The following ANK2 variants were observed in gnomAD, a reference collection of about 807,000 sequenced individuals.
ANK2 encodes ankyrin 2.
Under a neutral mutation model 360.5 loss-of-function variants are expected in ANK2, and 83 were observed. The ratio of observed to expected loss-of-function variants is 0.23; its 90% CI spans 0.19 to 0.28. The LOEUF (loss-of-function observed/expected upper bound fraction) is 0.28. Ranked by LOEUF, ANK2 falls within the 10% of genes least tolerant of loss-of-function variation. The pLI, the probability that ANK2 is intolerant of heterozygous loss-of-function variation, is 1.00. For missense variants in ANK2, 4,201 were observed against 4,795.7 expected (o/e 0.88, Z 3.66); for synonymous variants, 1,740 against 1,759.5 (o/e 0.99, Z 0.28).
chr4:113,182,232 G>GGGGAAGACTGTGTGAGGAGCAGGTTTGA (rs2098432559), intron 2 of ANK2, among the ~76,000 whole-genome samples: 1 of 152,142 alleles, frequency 6.6e-6, no homozygotes, highest in Admixed American at 6.5e-5. Context: ...TAACTGAGAT[G>GGGGAAGACTGTGTGAGGAGCAGGTTTGA]GGGAAGACTG....
chr4:113,325,358 G>C (rs1238738451), intron 26 of ANK2, among the ~76,000 whole-genome samples: 2 of 152,150 alleles, frequency 1.3e-5, no homozygotes, highest in Non-Finnish European at 2.9e-5. Context: ...TCCTAACCTA[G>C]TTAACAGTAA....
chr4:113,031,885 T>C (rs1235183724), intron 2 of ANK2, among the ~76,000 whole-genome samples: 1 of 151,878 alleles, frequency 6.6e-6, no homozygotes, highest in Non-Finnish European at 1.5e-5. Context: ...TTCTTCTTTT[T>C]TTCCATCTTT....
intron 2 of ANK2, among the ~76,000 whole-genome samples, chr4:112,906,419 C>T (rs1002065126): frequency 6.6e-6 from 1 of 152,018 alleles, no homozygotes; most frequent in South Asian, 2.1e-4. Context: ...AATAAAAGTG[C>T]GGAGAATCCA....
intron 34 of ANK2, among the ~76,000 whole-genome samples, chr4:113,345,130 T>A (rs2094694181): frequency 6.6e-6 from 1 of 152,162 alleles, no homozygotes; most frequent in African/African-American, 2.4e-5. Context: ...GGAATGAAAT[T>A]CTGACACATG....
intron 25 of ANK2, among the ~76,000 whole-genome samples, chr4:113,318,296 G>T (rs1361266268): frequency 6.6e-6 from 1 of 152,140 alleles, no homozygotes; most frequent in African/African-American, 2.4e-5. Context: ...TGTCTTCAAA[G>T]ACAATTACAC....
At chr4:112,800,290 C>T in the ANK2 span, among the ~76,000 whole-genome samples, 1 of 152,100 alleles carries the variant, frequency 6.6e-6, no homozygotes, top group Admixed American at 6.5e-5. Flanking sequence ...TTTTTCAACC[C>T]ACATTATGAT....
At chr4:113,075,344 G>A (rs905427597) in intron 1 of ANK2, among the ~76,000 whole-genome samples, 1 of 152,146 alleles carries the variant, frequency 6.6e-6, no homozygotes, top group Non-Finnish European at 1.5e-5. Context: ...ACTTATGTGT[G>A]ATTAATACAT....
intron 8 of ANK2, among the ~76,000 whole-genome samples, chr4:113,240,884 C>T (rs561327450): frequency 1.3e-5 from 2 of 152,208 alleles, no homozygotes; most frequent in Non-Finnish European, 2.9e-5. Flanking sequence ...TGATAAGTCA[C>T]GTCAAAAAAT....
At chr4:113,098,064 G>A (rs1010701608) in intron 1 of ANK2, among the ~76,000 whole-genome samples, 1 of 151,178 alleles carries the variant, frequency 6.6e-6, no homozygotes, top group Non-Finnish European at 1.5e-5. Context: ...TTTTATATTT[G>A]CCTACTGAGT....
the ANK2 span, among the ~76,000 whole-genome samples, chr4:112,731,123 G>A: frequency 6.6e-6 from 1 of 150,524 alleles, no homozygotes; most frequent in East Asian, 1.9e-4. Context: ...TCTGGCGACA[G>A]AGCAAGACTC....
At chr4:113,075,023 G>A (rs1580837853) in intron 1 of ANK2, among the ~76,000 whole-genome samples, 1 of 152,116 alleles carries the variant, frequency 6.6e-6, no homozygotes, top group African/African-American at 2.4e-5. Context: ...AGCAGCATTG[G>A]CATCACCTGT....
At chr4:113,294,430 T>C (rs975835219) in intron 22 of ANK2, among the ~76,000 whole-genome samples, 4 of 152,184 alleles carry the variant, frequency 2.6e-5, no homozygotes, top group African/African-American at 9.6e-5. Context: ...TCAAAGACAA[T>C]AAAACCACAA....
chr4:113,059,426 C>T (rs768650508), intron 1 of ANK2, among the ~76,000 whole-genome samples: 15 of 152,124 alleles, frequency 9.9e-5, no homozygotes, highest in South Asian at 2.1e-4. Context: ...TAATTGTCTA[C>T]GTGATTTATT....
intron 2 of ANK2, among the ~76,000 whole-genome samples, chr4:112,992,684 C>T (rs994733399): frequency 2.6e-5 from 4 of 152,144 alleles, no homozygotes; most frequent in Non-Finnish European, 2.9e-5. Context: ...CTTGGTGTCT[C>T]GTCTTGTAAG....
chr4:113,324,267 G>A (rs755166136), intron 26 of ANK2, among the ~76,000 whole-genome samples: 2 of 152,142 alleles, frequency 1.3e-5, no homozygotes, highest in Non-Finnish European at 2.9e-5. Context: ...AAGTGTATTA[G>A]TAGTGCATTT....
At chr4:113,310,637 G>A (rs1004035028) in intron 23 of ANK2, among the ~76,000 whole-genome samples, 1 of 152,096 alleles carries the variant, frequency 6.6e-6, no homozygotes, top group African/African-American at 2.4e-5. Context: ...GGCTGGTCTT[G>A]AACTCCTGAC....
At chr4:112,886,450 G>A (rs1432146635) in intron 1 of ANK2, among the ~76,000 whole-genome samples, 1 of 152,100 alleles carries the variant, frequency 6.6e-6, no homozygotes, top group Non-Finnish European at 1.5e-5. Context: ...AGATCACGAG[G>A]TCAGGAGTTC....
At chr4:112,824,591 G>A (rs540244125) in intron 1 of ANK2, among the ~76,000 whole-genome samples, 1 of 150,714 alleles carries the variant, frequency 6.6e-6, no homozygotes, top group African/African-American at 2.4e-5. Context: ...TGCAACCTCC[G>A]CCTCCCTGGT....
intron 1 of ANK2, among the ~76,000 whole-genome samples, chr4:113,169,629 G>T (rs192452002): frequency 6.6e-6 from 1 of 152,258 alleles, no homozygotes; most frequent in Admixed American, 6.5e-5. Context: ...ACTCTTTTAA[G>T]GCTAGTAGGG....
Sources: allele counts gnomAD v4.1 joint callset (sites outside exome capture counted in the v4.1 genomes callset), GRCh38; gene constraint gnomAD v4.1.1; transcripts MANE v1.5; gene names NCBI Gene and HGNC (gene_info 2026-07-23, HGNC 2026-07-21).